CDH12: variants seen among roughly 807,000 people sequenced by gnomAD.
The protein encoded by CDH12 is cadherin-12.
CDH12 carries 41 observed loss-of-function variants against 74.1 expected under a neutral mutation model. The observed-to-expected ratio is 0.55, with a 90% CI of 0.43 to 0.72. The LOEUF (loss-of-function observed/expected upper bound fraction) is 0.72, where lower values mean the gene tolerates loss of function less well. CDH12 is among the 30% of genes least tolerant of loss of function. The pLI is 0.00. For synonymous variants in CDH12, 399 were observed against 355.0 expected (o/e 1.12, Z -1.39); for missense variants, 945 against 977.2 (o/e 0.97, Z 0.44).
intron 5 of CDH12, among the ~76,000 whole-genome samples, chr5:22,004,252 C>T (rs755078321): frequency 2.9e-4 from 44 of 152,194 alleles, no homozygotes; most frequent in Non-Finnish European, 5.6e-4. Flanking sequence ...ATTCCTTCCT[C>T]ATGCTGTTTT....
intron 6 of CDH12, among the ~76,000 whole-genome samples, chr5:21,961,571 T>G (rs1472910996): frequency 2.0e-5 from 3 of 152,132 alleles, no homozygotes; most frequent in Admixed American, 1.3e-4. Context: ...TCTTTATAGA[T>G]GTAATCAAGT....
intron 13 of CDH12, among the ~76,000 whole-genome samples, chr5:21,757,701 A>C (rs1220566681): frequency 6.6e-6 from 1 of 152,182 alleles, no homozygotes; most frequent in Non-Finnish European, 1.5e-5. Flanking sequence ...GGTTCCCATT[A>C]ACATGATTAA....
chr5:22,196,274 G>C (rs1750614728), intron 4 of CDH12, among the ~76,000 whole-genome samples: 1 of 148,568 alleles, frequency 6.7e-6, no homozygotes, highest in African/African-American at 2.6e-5. Context: ...TCTCCTGCGT[G>C]GCTGGGAATA....
chr5:22,302,198 AAG>A (rs1200986361), intron 3 of CDH12, among the ~76,000 whole-genome samples: 1 of 152,228 alleles, frequency 6.6e-6, no homozygotes, highest in Non-Finnish European at 1.5e-5. Flanking sequence ...AAAAACAAGT[AAG>A]AAAGAAATGA....
chr5:22,843,336 T>C (rs1417296374), intron 1 of CDH12, among the ~76,000 whole-genome samples: 3 of 152,022 alleles, frequency 2.0e-5, no homozygotes, highest in Non-Finnish European at 4.4e-5. Flanking sequence ...TATGGCACAA[T>C]GTTCTTTTTC....
At chr5:21,816,893 T>A (rs1238615287) in intron 9 of CDH12, 52 bp downstream of exon 9, 1 of 1,150,434 alleles carries the variant, frequency 8.7e-7, no homozygotes, top group East Asian at 2.6e-5. Context: ...TTATTTTTTA[T>A]CTTCTTTAAT....
intron 4 of CDH12, among the ~76,000 whole-genome samples, chr5:22,117,491 A>G (rs1407890235): frequency 1.6e-4 from 10 of 64,176 alleles, no homozygotes; most frequent in Non-Finnish European, 2.5e-4. Context: ...TATATATATT[A>G]TATATATATA....
At chr5:22,040,306 T>G (rs1220460100) in intron 5 of CDH12, among the ~76,000 whole-genome samples, 1 of 152,082 alleles carries the variant, frequency 6.6e-6, no homozygotes, top group East Asian at 1.9e-4. Context: ...CCTACAGAAC[T>G]TATGGGATAC....
At chr5:21,889,237 T>G (rs549416863) in intron 6 of CDH12, among the ~76,000 whole-genome samples, 1 of 152,286 alleles carries the variant, frequency 6.6e-6, no homozygotes, top group African/African-American at 2.4e-5. Context: ...TAAAAATGTT[T>G]ACTATCTTAA....
chr5:22,483,346 T>A (rs1746455845), intron 2 of CDH12, among the ~76,000 whole-genome samples: 1 of 152,136 alleles, frequency 6.6e-6, no homozygotes, highest in South Asian at 2.1e-4. Context: ...ACATTCTTTT[T>A]TTAAATAACT....
chr5:21,897,113 C>T (rs1306770268), intron 6 of CDH12, among the ~76,000 whole-genome samples: 1 of 152,056 alleles, frequency 6.6e-6, no homozygotes, highest in African/African-American at 2.4e-5. Flanking sequence ...TGAAATGTTG[C>T]TCAGTAAGGA....
intron 3 of CDH12, among the ~76,000 whole-genome samples, chr5:22,278,677 A>C (rs1736744769): frequency 6.6e-6 from 1 of 152,050 alleles, no homozygotes. Flanking sequence ...ATGATCTCTA[A>C]ATTCTTTCTA....
intron 1 of CDH12, among the ~76,000 whole-genome samples, chr5:22,833,312 T>C (rs553826107): frequency 1.3e-5 from 2 of 152,332 alleles, no homozygotes; most frequent in East Asian, 1.9e-4. Context: ...GTATTGATCA[T>C]ATTCTCTACA....
At chr5:21,992,798 A>C (rs989357748) in intron 5 of CDH12, among the ~76,000 whole-genome samples, 1 of 152,146 alleles carries the variant, frequency 6.6e-6, no homozygotes, top group Non-Finnish European at 1.5e-5. Context: ...ATTATTTTAC[A>C]TCATAAAACT....
At chr5:22,343,325 G>GACACAC (rs1468112453) in intron 3 of CDH12, among the ~76,000 whole-genome samples, 3,310 of 105,262 alleles carry the variant, frequency 0.031, 57 homozygotes, top group African/African-American at 0.064. Context: ...CACACACACA[G>GACACAC]AGAGAGAGAG....
chr5:22,842,438 C>T (rs1737119276), intron 1 of CDH12, among the ~76,000 whole-genome samples: 2 of 151,968 alleles, frequency 1.3e-5, no homozygotes, highest in Admixed American at 1.3e-4. Context: ...AAAGACATGG[C>T]CCATTAGAGT....
intron 1 of CDH12, among the ~76,000 whole-genome samples, chr5:22,648,002 G>A (rs1402861191): frequency 2.0e-5 from 3 of 151,690 alleles, no homozygotes; most frequent in Admixed American, 1.3e-4. Context: ...CTTTTGGAAC[G>A]GTTGTTACTA....
In CDH12 at chr5:22,511,435, C is replaced by A. The variant is rs2032944; in HGVS notation, c.-522-6071G>T. On this transcript the variant is annotated intron_variant, in intron 1 of 14. Transcript: ENST00000382254. ...TGGAAATCTATAAATGGAATATTTACAAAAAGAAAAAAACAGGACTTCTAA... is the reference window on the plus strand; with the variant it reads ...TGGAAATCTATAAATGGAATATTTAAAAAAAGAAAAAAACAGGACTTCTAA... Among the ~76,000 whole-genome samples the A allele has an allele frequency of 7.3e-5, 11 of 151,088 alleles. No individual in the cohort carries two copies. In the South Asian group the frequency reaches 2.3e-3, roughly 32 times the overall value.
At chr5:22,502,637 TAC>T (rs796169904) in intron 2 of CDH12, among the ~76,000 whole-genome samples, 2 of 145,358 alleles carry the variant, frequency 1.4e-5, no homozygotes, top group Admixed American at 7.5e-5. Flanking sequence ...CAGTCATCTT[TAC>T]ACACACACAC....
Sources: gnomAD v4.1 joint callset for allele counts (sites outside exome capture counted in the v4.1 genomes callset) on GRCh38, gnomAD v4.1.1 for gene constraint, MANE v1.5 for transcripts, NCBI Gene and HGNC (gene_info 2026-07-23, HGNC 2026-07-21) for gene names.